NLRP2: variants seen among roughly 807,000 people sequenced by gnomAD.
NLRP2 encodes NLR family pyrin domain containing 2, also known as NACHT, LRR and PYD domains-containing protein 2.
A neutral mutation model predicts 97.2 loss-of-function variants in NLRP2; 107 were observed. The ratio of observed to expected loss-of-function variants is 1.10; its 90% CI spans 0.94 to 1.29. NLRP2 has a LOEUF of 1.29. Among genes scored for constraint, NLRP2 ranks in the 50% most tolerant of loss-of-function variants. NLRP2 has a pLI of 0.00. For missense variants in NLRP2, 1,495 were observed against 1,330.3 expected, an observed-to-expected ratio of 1.12 and a Z score of -1.93; for synonymous variants, 663 against 551.5, an observed-to-expected ratio of 1.20 and a Z score of -2.83.
chr19:54,980,491 G>T (rs3931966), intron 4 of NLRP2, among the ~76,000 whole-genome samples: 19,067 of 152,256 alleles, frequency 0.13, 1,781 homozygotes, highest in African/African-American at 0.26. Flanking sequence ...ACCGCGCCCA[G>T]CCGCGGGTAA....
At chr19:54,999,311 CTA>C (rs1215262767) in intron 12 of NLRP2, among the ~76,000 whole-genome samples, 2 of 152,200 alleles carry the variant, frequency 1.3e-5, no homozygotes, top group African/African-American at 4.8e-5. Context: ...CCACACCTGG[CTA>C]ATCTTGTATT....
At chr19:54,978,834 A>G (rs1427448021) in intron 4 of NLRP2, among the ~76,000 whole-genome samples, 1 of 145,344 alleles carries the variant, frequency 6.9e-6, no homozygotes, top group Non-Finnish European at 1.5e-5. Context: ...CAACAGTGCG[A>G]GACTCCATCT....
In NLRP2 at chr19:54,986,150, G is replaced by T; in HGVS notation, c.2202-1G>T. ...TTTCACTTTCGTTCTCTTTTCCCTA[G>T]GTTCAAAAACATTTCCCCAGCTGAT... is the stretch of plus-strand genomic sequence containing the variant. On this transcript the variant is annotated splice_acceptor_variant, in intron 7 of 12. Coordinates refer to ENST00000448584, the MANE Select transcript of NLRP2 (RefSeq NM_017852.5). LOFTEE classifies it high-confidence loss of function. 6.2e-7 allele frequency: 1 copy of T among 1,611,454 alleles called. No homozygotes were observed. The highest frequency in any genetic ancestry group is 8.5e-7 in the Non-Finnish European group (1 of 1,177,700).
intron 2 of NLRP2, among the ~76,000 whole-genome samples, chr19:54,970,821 TA>T (rs1568465000): frequency 6.9e-4 from 102 of 148,428 alleles, no homozygotes; most frequent in Non-Finnish European, 1.4e-3. Context: ...ATTTTATTAT[TA>T]TTATTTTTTT....
chr19:54,967,945 G>T (rs1219800882), intron 1 of NLRP2, among the ~76,000 whole-genome samples: 3 of 128,292 alleles, frequency 2.3e-5, no homozygotes, highest in Admixed American at 8.3e-5. Flanking sequence ...TTGAGACAAA[G>T]TCTAGCTCTG....
Position 54,994,618 on chromosome 19 carries a change from G to GTT in NLRP2, c.2879+189_2879+190dup, listed in dbSNP as rs560512287. Reference sequence around the variant, plus strand: ...AGTTCTAGTCTATGTCTAAGTTTTTGTTTTTTTTTTTCTTGAAGTTTTGCT... The same window carrying GTT: ...AGTTCTAGTCTATGTCTAAGTTTTTGTTTTTTTTTTTTTCTTGAAGTTTTGCT... On this transcript the variant is annotated intron_variant, in intron 11 of 12. Coordinates refer to ENST00000448584, the MANE Select transcript of NLRP2 (RefSeq NM_017852.5). Among the ~76,000 whole-genome samples the GTT allele has an allele frequency of 1.3e-4, 19 of 145,998 alleles. 2 individuals carry two copies. In the South Asian group the frequency reaches 3.9e-3, roughly 30 times the overall value.
intron 8 of NLRP2, among the ~76,000 whole-genome samples, chr19:54,986,760 C>T (rs1170354710): frequency 6.6e-6 from 1 of 152,128 alleles, no homozygotes; most frequent in African/African-American, 2.4e-5. Context: ...CATTGCCAGG[C>T]TGGTCTCGAA....
rs1420699564 is a variant in NLRP2 at position 54,995,187 on chromosome 19, C to T, written c.2879+748C>T. 1.3e-3 allele frequency among the ~76,000 whole-genome samples: 112 copies of T among 87,212 alleles called. 4 individuals carry two copies. The East Asian group carries it at 0.035, about 27-fold the overall frequency. The allele number at this position is 87,212 out of a possible 152,430, so 57.2% of individuals were successfully genotyped here. A position where few individuals can be genotyped will look rare whatever the true frequency, so the allele number is the denominator to read the frequency against. ...TAGCCGAGCATAGTAGTGGGTGCCT[C>T]TTTTTTTTTTTTTTTTTTTTTTGAG... On this transcript the variant is annotated intron_variant, in intron 11 of 12. Transcript: ENST00000448584.
In NLRP2 at chr19:54,982,915, C is replaced by T. The variant is rs139903547; in HGVS notation, c.1217C>T (p.Thr406Met). 2.8e-5 allele frequency: 45 copies of T among 1,613,090 alleles called. 1 individual carries two copies. Among genetic ancestry groups the T allele is most frequent in the African/African-American group, 8.0e-5 (6 of 75,014 alleles). ...CCCGCGGTGTGCTGGATCGTGTGCA[C>T]GACTCTGAAGCTGCAGATGGAGAAG... ...SAPAVCWIVCTTLKLQMEKGE... is the reference protein window; with the variant it reads ...SAPAVCWIVCMTLKLQMEKGE... The change falls in exon 6 of 13, where the codon ACG (threonine) becomes ATG (methionine). Residue 406 changes from threonine (T) to methionine (M), a missense_variant. By Grantham distance (81) the Thr-to-Met change is moderately conservative. Coordinates refer to ENST00000448584, the MANE Select transcript of NLRP2 (RefSeq NM_017852.5).
At position 54,989,942 on chromosome 19, in the gene NLRP2, G is replaced by T. The variant is rs2146498807; in HGVS notation, c.2367-80G>T. On this transcript the variant is annotated intron_variant, in intron 8 of 12. Coordinates refer to ENST00000448584, the MANE Select transcript of NLRP2 (RefSeq NM_017852.5). ...GGAGGCGGAGGTTGCTGTGAGCCGA[G>T]ATTGCGCCACCTGGGCAACAAGAGT... 2.0e-6 allele frequency: 3 copies of T among 1,523,802 alleles called. No individual in the cohort carries two copies. In the South Asian group the frequency reaches 3.4e-5, roughly 17 times the overall value. 94.4% of individuals were successfully genotyped at this position (1,523,802 alleles called of 1,614,324 possible).
At chr19:54,985,001 G>C in intron 6 of NLRP2, 46 bp from the exon 7 acceptor site, 3 of 1,593,668 alleles carry the variant, frequency 1.9e-6, no homozygotes, top group Non-Finnish European at 2.6e-6. Flanking sequence ...TACTTCAGCC[G>C]TGATGGACAC....
At chr19:54,992,543 G>T (rs1448984483) in intron 10 of NLRP2, among the ~76,000 whole-genome samples, 7 of 59,516 alleles carry the variant, frequency 1.2e-4, no homozygotes, top group Non-Finnish European at 1.6e-4. Flanking sequence ...TTTTTTGGGG[G>T]GGGGGGGGTT....
intron 8 of NLRP2, among the ~76,000 whole-genome samples, chr19:54,987,849 T>G (rs558600885): frequency 5.2e-4 from 79 of 151,936 alleles, no homozygotes; most frequent in African/African-American, 1.8e-3. Context: ...AAGACCAGCC[T>G]GGCCAACATG....
intron 4 of NLRP2, 61 bp from the exon 5 acceptor site, chr19:54,981,556 G>A (rs185894755): frequency 5.3e-5 from 30 of 570,180 alleles, no homozygotes; most frequent in Middle Eastern, 6.7e-4. Flanking sequence ...TTCTCTAATT[G>A]GGACTCCACA....
At position 54,982,235 on chromosome 19, in the gene NLRP2, C is replaced by CA; in HGVS notation, c.540dup (p.Glu181ArgfsTer7). ...TGTGGAAGAGCTGGCCTGGAGATAG[C>CA]AAAGAGGTCCAGGTTATGGCTGAGA... On this transcript the variant is annotated frameshift_variant, in exon 6 of 13. Transcript: ENST00000448584. LOFTEE classifies it high-confidence loss of function. The CA allele has an allele frequency of 6.2e-7, 1 of 1,614,056 alleles. No individual in the cohort carries two copies. Among genetic ancestry groups the CA allele is most frequent in the South Asian group, 1.1e-5 (1 of 91,064 alleles).
chr19:54,974,754 A>G (rs576415819), intron 3 of NLRP2, among the ~76,000 whole-genome samples: 1 of 152,146 alleles, frequency 6.6e-6, no homozygotes, highest in Non-Finnish European at 1.5e-5. Flanking sequence ...CTATAAATAC[A>G]TACAAAGCGG....
chr19:54,981,087 G>C (rs974126651), intron 4 of NLRP2, among the ~76,000 whole-genome samples: 11 of 152,082 alleles, frequency 7.2e-5, no homozygotes, highest in African/African-American at 2.7e-4. Flanking sequence ...CTCCAGCCTG[G>C]GCAACAGAGT....
At chr19:54,977,864 GC>G (rs779847483) in intron 4 of NLRP2, 41 bp downstream of exon 4, 17 of 1,577,030 alleles carry the variant, frequency 1.1e-5, no homozygotes, top group African/African-American at 1.1e-4. Flanking sequence ...AGCTGAGGAA[GC>G]CCCCCGTTCT....
intron 6 of NLRP2, among the ~76,000 whole-genome samples, chr19:54,984,341 T>G (rs1440690691): frequency 4.2e-5 from 6 of 143,422 alleles, no homozygotes; most frequent in Admixed American, 7.1e-5. Context: ...TTTTTTTTTT[T>G]TTTTTTTTTT....
Sources: allele counts gnomAD v4.1 joint callset (sites outside exome capture counted in the v4.1 genomes callset), GRCh38; gene constraint gnomAD v4.1.1; transcripts MANE v1.5; gene names NCBI Gene and HGNC (gene_info 2026-07-23, HGNC 2026-07-21).